The following DNAH2 variants were observed in gnomAD, a reference collection of about 807,000 sequenced individuals.
DNAH2 encodes the protein axonemal beta dynein heavy chain 2.
In DNAH2, 323 loss-of-function variants were observed where a neutral mutation model predicts 523.5. That is an observed-to-expected ratio of 0.62 (90% CI 0.56 to 0.68). The LOEUF (loss-of-function observed/expected upper bound fraction) is 0.68. DNAH2 is among the 30% of genes least tolerant of loss of function. The pLI is 0.00. For missense variants in DNAH2, 4,907 were observed against 5,701.5 expected, an observed-to-expected ratio of 0.86 and a Z score of 4.49; for synonymous variants, 2,093 against 2,177.4, an observed-to-expected ratio of 0.96 and a Z score of 1.08.
intron 50 of DNAH2, 47 bp downstream of exon 50, chr17:7,796,699 C>T (rs753341329): frequency 8.7e-5 from 136 of 1,572,086 alleles, no homozygotes; most frequent in East Asian, 1.1e-4. Context: ...CCAGCCTCCG[C>T]GGAGGCTTTC....
chr17:7,782,834 C>T (rs2076636397), intron 39 of DNAH2, among the ~76,000 whole-genome samples: 1 of 149,326 alleles, frequency 6.7e-6, no homozygotes, highest in African/African-American at 2.5e-5. Context: ...TGGAGGTGTG[C>T]TCCTGTAGTC....
At chr17:7,723,152 A>T (rs1362620943) in intron 2 of DNAH2, among the ~76,000 whole-genome samples, 3 of 148,516 alleles carry the variant, frequency 2.0e-5, no homozygotes, top group Admixed American at 6.7e-5. Flanking sequence ...TGTATTTTTT[A>T]GTAGAGACGG....
chr17:7,753,887 G>A (rs1296759958), intron 12 of DNAH2, among the ~76,000 whole-genome samples: 4 of 152,170 alleles, frequency 2.6e-5, no homozygotes, highest in Non-Finnish European at 5.9e-5. Context: ...GGCAGAGGTT[G>A]CAGTGAGCCG....
intron 24 of DNAH2, among the ~76,000 whole-genome samples, chr17:7,768,920 C>T (rs1049461794): frequency 1.3e-5 from 2 of 152,202 alleles, no homozygotes; most frequent in Non-Finnish European, 2.9e-5. Context: ...TGTATATATA[C>T]ACCACATTTT....
chr17:7,830,430 G>C lies in DNAH2; in HGVS notation c.11984G>C (p.Arg3995Pro). Reference sequence around the variant, plus strand: ...TTCTTCCACTCTGTGTTACTTGAACGCAAAAAGTTCCTGCAGCTTGGCTGG... The same window carrying C: ...TTCTTCCACTCTGTGTTACTTGAACCCAAAAAGTTCCTGCAGCTTGGCTGG... ...LCFFHSVLLE[R>P]KKFLQLGWNI... Residue 3995 changes from arginine (R) to proline (P), a missense_variant, in exon 78 of 86, where the codon CGC (arginine) becomes CCC (proline). Coordinates refer to ENST00000572933, the MANE Select transcript of DNAH2 (RefSeq NM_020877.5). 1 of 1,614,206 alleles carries C rather than the reference G, an allele frequency of 6.2e-7. No individual in the cohort carries two copies. Among genetic ancestry groups the C allele is most frequent in the Non-Finnish European group, 8.5e-7 (1 of 1,180,050 alleles).
intron 39 of DNAH2, among the ~76,000 whole-genome samples, chr17:7,781,489 CA>C (rs1198400673): frequency 6.6e-6 from 1 of 151,572 alleles, no homozygotes; most frequent in Non-Finnish European, 1.5e-5. Context: ...AAAAACAAAA[CA>C]AAAACAAAAA....
In DNAH2 at chr17:7,831,974, T is replaced by C. The variant is rs927132388; in HGVS notation, c.12726+199T>C. On this transcript the variant is annotated intron_variant, in intron 82 of 85. Transcript: ENST00000572933. The surrounding 1 kb of genome is among the most constrained non-coding windows in gnomAD (Gnocchi z 4.2). ...ACAACTTATTAACTTACAGACTCACTCAGGGAAAATTACTAACCTCTCCAA... is the reference window on the plus strand; with the variant it reads ...ACAACTTATTAACTTACAGACTCACCCAGGGAAAATTACTAACCTCTCCAA... 1.3e-5 allele frequency among the ~76,000 whole-genome samples: 2 copies of C among 152,168 alleles called. No individual in the cohort carries two copies. The highest frequency in any genetic ancestry group is 1.3e-4 in the Admixed American group (2 of 15,278).
In DNAH2 at chr17:7,807,195, A is replaced by C; in HGVS notation, c.9488A>C (p.Asn3163Thr). The stretch of plus-strand genomic sequence containing the variant: ...TCACTGATCAACTTTGATAAAGACA[A>C]TATCTCAGATAAGGTTCTGAAGAAG... ...IKSLINFDKD[N>T]ISDKVLKKIG... The change falls in exon 62 of 86, where the codon AAT becomes ACT. Residue 3163 changes from asparagine to threonine, a missense_variant. Asn to Thr is a moderately conservative substitution (Grantham distance 65). Transcript: ENST00000572933. The surrounding 1 kb of genome is among the most constrained non-coding windows in gnomAD (Gnocchi z 5.6). 2 of 1,612,228 alleles carry C rather than the reference A, an allele frequency of 1.2e-6. No homozygotes were observed. Among genetic ancestry groups the C allele is most frequent in the Non-Finnish European group, 8.5e-7 (1 of 1,180,020 alleles).
Position 7,779,525 on chromosome 17 carries a change from A to T in DNAH2, c.5722+102A>T, listed in dbSNP as rs542431361. 59 of 1,276,778 alleles carry T rather than the reference A, an allele frequency of 4.6e-5. No individual in the cohort carries two copies. The South Asian group carries it at 7.8e-4, about 17-fold the overall frequency. 79.1% of individuals were successfully genotyped at this position (1,276,778 alleles called of 1,614,324 possible). ...TCTTCCCCCTTCCATGCGAATGTAT[A>T]TAGCTAAGTGAAGTCTGGCTAAAGA... On this transcript the variant is annotated intron_variant, in intron 36 of 85. Coordinates refer to ENST00000572933, the MANE Select transcript of DNAH2 (RefSeq NM_020877.5).
chr17:7,774,630 G>C, intron 28 of DNAH2, 129 bp from the exon 29 acceptor site: 1 of 736,496 alleles, frequency 1.4e-6, no homozygotes, highest in South Asian at 1.9e-5. Context: ...ACTTCTCTGC[G>C]TCCAGAAACC....
At position 7,760,981 on chromosome 17, in the gene DNAH2, T is replaced by C; in HGVS notation, c.2978+49T>C. On this transcript the variant is annotated intron_variant, in intron 18 of 85. Transcript: ENST00000572933. This position sits in a 1 kb window ranked among gnomAD's most constrained non-coding sequence, Gnocchi z 4.0. ...AGTCTGTCTGTAGGAGGCACAGCAC[T>C]GCAGGAGGAGCCCAGGCCTAGAGTC... 6.2e-7 allele frequency: 1 copy of C among 1,600,916 alleles called. No homozygotes were observed. Among genetic ancestry groups the C allele is most frequent in the Non-Finnish European group, 8.5e-7 (1 of 1,172,608 alleles).
chr17:7,764,959 C>T (rs1465244181), intron 20 of DNAH2, among the ~76,000 whole-genome samples: 2 of 150,194 alleles, frequency 1.3e-5, no homozygotes, highest in Non-Finnish European at 3.0e-5. Context: ...CCTCCCACCT[C>T]AGCCTCCTGA....
chr17:7,789,189 A>G (rs1162631352), intron 44 of DNAH2, among the ~76,000 whole-genome samples: 1 of 151,562 alleles, frequency 6.6e-6, no homozygotes, highest in Non-Finnish European at 1.5e-5. Flanking sequence ...AAAAACAAAA[A>G]ACCGCAGATG....
chr17:7,741,050 G>A, intron 11 of DNAH2, 58 bp downstream of exon 11: 3 of 1,545,600 alleles, frequency 1.9e-6, no homozygotes, highest in Non-Finnish European at 2.6e-6. Flanking sequence ...GAGGGATGGG[G>A]GATGGCTCCT....
At chr17:7,753,871 C>T (rs182976482) in intron 12 of DNAH2, among the ~76,000 whole-genome samples, 6 of 152,226 alleles carry the variant, frequency 3.9e-5, no homozygotes, top group Admixed American at 1.3e-4. Context: ...TCACTTAAAC[C>T]GGGGAGGCAG....
In DNAH2 at chr17:7,764,173, A is replaced by G. The variant is rs144750756; in HGVS notation, c.3236A>G (p.Asp1079Gly). 3.5e-4 allele frequency: 566 copies of G among 1,614,078 alleles called. No individual in the cohort carries two copies. The highest frequency in any genetic ancestry group is 6.0e-4 in the South Asian group (55 of 91,088). The change falls in exon 20 of 86, where the codon GAT becomes GGT. Residue 1079 changes from aspartate to glycine, a missense_variant. Transcript: ENST00000572933. Reference sequence around the variant, plus strand: ...CTGGGGGTCAGCTTGCAGCTCGTGGATGCCCTGAAGCACGACTTGGCCAAC... The same window carrying G: ...CTGGGGGTCAGCTTGCAGCTCGTGGGTGCCCTGAAGCACGACTTGGCCAAC... ...EELGVSLQLV[D>G]ALKHDLANVE...
rs767877614 is a variant in DNAH2, at chr17:7,807,131, C to T, written c.9443-19C>T. The T allele has an allele frequency of 1.9e-6, 3 of 1,600,366 alleles. No homozygotes were observed. Among genetic ancestry groups the T allele is most frequent in the South Asian group, 2.2e-5 (2 of 90,892 alleles). ...TGGCATTAAGCCTCTGGCTAAGGCC[C>T]CTAATTTTCATCCCACAGGGGAACA... On this transcript the variant is annotated intron_variant, in intron 61 of 85. Transcript: ENST00000572933. The surrounding 1 kb of genome is among the most constrained non-coding windows in gnomAD (Gnocchi z 5.6).
chr17:7,827,696 T>A (rs912618389), intron 77 of DNAH2, among the ~76,000 whole-genome samples: 1 of 151,994 alleles, frequency 6.6e-6, no homozygotes, highest in African/African-American at 2.4e-5. Flanking sequence ...TCCACCCGCC[T>A]CAGCCTTCCA....
At chr17:7,726,406 C>T (rs1359886263) in intron 3 of DNAH2, among the ~76,000 whole-genome samples, 4 of 151,508 alleles carry the variant, frequency 2.6e-5, no homozygotes, top group Non-Finnish European at 5.9e-5. Context: ...TGGGTTCAAG[C>T]GATTCTCCTG....
Sources: gnomAD v4.1 joint callset for allele counts (sites outside exome capture counted in the v4.1 genomes callset) on GRCh38, gnomAD v4.1.1 for gene constraint, Gnocchi (gnomAD v3.1) non-coding constraint, MANE v1.5 for transcripts, NCBI Gene and HGNC (gene_info 2026-07-23, HGNC 2026-07-21) for gene names.